USP3: variants seen among roughly 807,000 people sequenced by gnomAD.
The protein encoded by USP3 is ubiquitin specific peptidase 3.
USP3 carries 20 observed loss-of-function variants against 72.3 expected under a neutral mutation model. That is an observed-to-expected ratio of 0.28 (90% CI 0.19 to 0.40). USP3 has a LOEUF of 0.40. USP3 is among the 10% of genes least tolerant of loss of function. The probability of loss-of-function intolerance (pLI) is 1.00; values close to 1 mark genes in which losing one functional copy is unlikely to be tolerated. For synonymous variants in USP3, 222 were observed against 225.3 expected (o/e 0.99, Z 0.13); for missense variants, 479 against 633.9 (o/e 0.76, Z 2.62).
chr15:63,539,396 A>G (rs2066208716), intron 3 of USP3, among the ~76,000 whole-genome samples: 1 of 152,150 alleles, frequency 6.6e-6, no homozygotes, highest in South Asian at 2.1e-4. Context: ...CAAGTTTGCC[A>G]TTGTTTTCTT....
At chr15:63,514,203 G>GT (rs369438362) in intron 1 of USP3, among the ~76,000 whole-genome samples, 3 of 151,560 alleles carry the variant, frequency 2.0e-5, no homozygotes, top group African/African-American at 7.3e-5. Flanking sequence ...TTTATATATA[G>GT]TTTTTTTTAG....
chr15:63,504,694 G>T lies in USP3; in HGVS notation c.-46G>T, dbSNP rs762326343. On this transcript the variant is annotated 5_prime_UTR_variant, in exon 1 of 15. Coordinates refer to ENST00000380324, the MANE Select transcript of USP3 (RefSeq NM_006537.4). ...TCCGGAGTTCCTCCGCCCCCACCTC[G>T]CCGGGTCCTGGAGCCGCAGTCCTCC... 2.0e-6 allele frequency: 3 copies of T among 1,513,294 alleles called. No individual in the cohort carries two copies. Among genetic ancestry groups the T allele is most frequent in the East Asian group, 2.6e-5 (1 of 38,556 alleles). The allele number at this position is 1,513,294 out of a possible 1,614,324, so 93.7% of individuals were successfully genotyped here.
At chr15:63,545,983 A>C (rs1046594892) in intron 3 of USP3, among the ~76,000 whole-genome samples, 1 of 151,144 alleles carries the variant, frequency 6.6e-6, no homozygotes, top group Non-Finnish European at 1.5e-5. Context: ...AAAAAAAAAA[A>C]AAAAAAAAAA....
intron 1 of USP3, among the ~76,000 whole-genome samples, chr15:63,527,394 T>C (rs1474307529): frequency 2.0e-5 from 3 of 152,206 alleles, no homozygotes; most frequent in Non-Finnish European, 2.9e-5. Flanking sequence ...TCTCTCCCAG[T>C]TGAAACAGCT....
intron 3 of USP3, among the ~76,000 whole-genome samples, chr15:63,547,684 C>T (rs2066350299): frequency 7.1e-6 from 1 of 140,390 alleles, no homozygotes; most frequent in Admixed American, 7.6e-5. Flanking sequence ...GAGCTGTGAT[C>T]TGTGATAGCA....
intron 1 of USP3, among the ~76,000 whole-genome samples, chr15:63,518,680 T>C (rs747290188): frequency 6.6e-6 from 1 of 152,234 alleles, no homozygotes; most frequent in Non-Finnish European, 1.5e-5. Flanking sequence ...TTATCATGTA[T>C]ATATTTACTC....
At chr15:63,563,151 G>C (rs1410940672) in intron 8 of USP3, 143 bp downstream of exon 8, 1 of 507,058 alleles carries the variant, frequency 2.0e-6, no homozygotes, top group African/African-American at 2.0e-5. Flanking sequence ...AAGAAGAAGA[G>C]CTGAAATTGA....
intron 11 of USP3, among the ~76,000 whole-genome samples, chr15:63,581,633 GATC>G (rs1197700689): frequency 7.0e-6 from 1 of 141,952 alleles, no homozygotes; most frequent in African/African-American, 2.6e-5. Context: ...CTGACCTCAT[GATC>G]CACCTGCCTC....
chr15:63,560,988 G>A (rs762981604), intron 7 of USP3, among the ~76,000 whole-genome samples: 3 of 152,122 alleles, frequency 2.0e-5, no homozygotes, highest in Non-Finnish European at 4.4e-5. Context: ...GAACATGTCA[G>A]AATAATGGGC....
chr15:63,591,711 T>C lies in USP3; in HGVS notation c.*885T>C, dbSNP rs1315181671. The C allele has an allele frequency of 6.6e-6, 1 of 152,226 alleles. No individual in the cohort carries two copies. Among genetic ancestry groups the C allele is most frequent in the Non-Finnish European group, 1.5e-5 (1 of 68,054 alleles). 9.4% of individuals were successfully genotyped at this position (152,226 alleles called of 1,614,324 possible). ...TTATAGACTTACTTACTGCTTGTGT[T>C]TGGCATCTGAGTCTGAGGTGTGACC... On this transcript the variant is annotated 3_prime_UTR_variant, in exon 15 of 15. Transcript: ENST00000380324.
In USP3 at chr15:63,556,734, T is replaced by C. The variant is rs775083334; in HGVS notation, c.436T>C (p.Leu146=). 2.5e-6 allele frequency: 4 copies of C among 1,598,092 alleles called. No individual in the cohort carries two copies. The Admixed American group carries it at 6.9e-5, about 27-fold the overall frequency. The change falls in exon 5 of 15, where the codon TTA becomes CTA. Residue 146 remains leucine, a synonymous_variant. Transcript: ENST00000380324. ...LLENSTLNSK[L]LKVNGSTTAI... is the part of the protein sequence containing the mutation. ...GGAAAACTCAACACTAAACAGCAAG[T>C]TATTAAAAGTAAATGTAAGTAATTA...
At position 63,552,212 on chromosome 15, in the gene USP3, CAT is replaced by C. The variant is rs1378332033; in HGVS notation, c.285-1501_285-1500del. Among the ~76,000 whole-genome samples, 5 of 152,016 alleles carry C rather than the reference CAT, an allele frequency of 3.3e-5. 1 individual carries two copies. The highest frequency in any genetic ancestry group is 4.8e-5 in the African/African-American group (2 of 41,400). On this transcript the variant is annotated intron_variant, in intron 3 of 14. Coordinates refer to ENST00000380324, the MANE Select transcript of USP3 (RefSeq NM_006537.4). The stretch of plus-strand genomic sequence containing the variant: ...AACTACATGCATAAATTTATGCAAA[CAT>C]AAAATAAAAATGTAAGCAGAAATTC...
intron 1 of USP3, among the ~76,000 whole-genome samples, chr15:63,519,196 T>C (rs2065887376): frequency 6.6e-6 from 1 of 152,192 alleles, no homozygotes; most frequent in South Asian, 2.1e-4. Flanking sequence ...TCATAGCTAT[T>C]ACTCCTTTCT....
chr15:63,575,834 G>A (rs1209452950), intron 11 of USP3, among the ~76,000 whole-genome samples: 3 of 152,100 alleles, frequency 2.0e-5, no homozygotes, highest in East Asian at 1.9e-4. Context: ...TGAATATCTG[G>A]TTATTTACAG....
chr15:63,513,491 C>T (rs1421535836), intron 1 of USP3, among the ~76,000 whole-genome samples: 1 of 152,036 alleles, frequency 6.6e-6, no homozygotes, highest in Non-Finnish European at 1.5e-5. Context: ...GTGATCCTTC[C>T]ACTTCAGCCT....
intron 11 of USP3, among the ~76,000 whole-genome samples, chr15:63,580,055 C>T (rs946688289): frequency 6.6e-6 from 1 of 152,002 alleles, no homozygotes; most frequent in African/African-American, 2.4e-5. Context: ...ATTTTAAACA[C>T]TTTGTTATTG....
In USP3 at chr15:63,535,310, T is replaced by TA. The variant is rs532103415; in HGVS notation, c.153-1713dup. Among the ~76,000 whole-genome samples, 13 of 152,338 alleles carry TA rather than the reference T, an allele frequency of 8.5e-5. No homozygotes were observed. In the South Asian group the frequency reaches 2.3e-3, roughly 27 times the overall value. On this transcript the variant is annotated intron_variant, in intron 2 of 14. Transcript: ENST00000380324. The stretch of plus-strand genomic sequence containing the variant: ...ATATGTGCTAAATGTGCCCACCTTC[T>TA]AAGCAATTGTTGTTTGGATTCTGAA...
intron 1 of USP3, among the ~76,000 whole-genome samples, chr15:63,526,159 C>T (rs1398849638): frequency 6.6e-6 from 1 of 152,176 alleles, no homozygotes; most frequent in African/African-American, 2.4e-5. Flanking sequence ...TTTTACATAG[C>T]TGATAACAGC....
chr15:63,543,935 C>A (rs2066282449), intron 3 of USP3, among the ~76,000 whole-genome samples: 1 of 151,510 alleles, frequency 6.6e-6, no homozygotes, highest in African/African-American at 2.4e-5. Flanking sequence ...TATGGCCAGG[C>A]ATGGTGGCTC....
Sources: gnomAD v4.1 joint callset for allele counts (sites outside exome capture counted in the v4.1 genomes callset) on GRCh38, gnomAD v4.1.1 for gene constraint, MANE v1.5 for transcripts, NCBI Gene and HGNC (gene_info 2026-07-23, HGNC 2026-07-21) for gene names.